Variants in DIAPH2 observed in about 807,000 individuals in gnomAD.
DIAPH2 encodes diaphanous related formin 2.
Under a neutral mutation model 92.7 loss-of-function variants are expected in DIAPH2, and 35 were observed. The observed-to-expected ratio is 0.38, with a 90% CI of 0.29 to 0.50. DIAPH2 has a LOEUF of 0.50. DIAPH2 is among the 20% of genes least tolerant of loss of function. The probability of loss-of-function intolerance (pLI) is 0.94; values close to 1 mark genes in which losing one functional copy is unlikely to be tolerated. For synonymous variants in DIAPH2, 301 were observed against 280.4 expected (o/e 1.07, Z -0.73); for missense variants, 701 against 819.5 (o/e 0.86, Z 1.77).
chrX:96,825,347 G>C (rs1482143614), intron 4 of DIAPH2, among the ~76,000 whole-genome samples: 2 of 96,408 alleles, frequency 2.1e-5, no homozygotes, highest in Non-Finnish European at 4.2e-5. Context: ...ATTACTACAT[G>C]TGTTTTCTTT....
chrX:97,159,872 T>C (rs1231797944), intron 22 of DIAPH2, among the ~76,000 whole-genome samples: 4 of 111,706 alleles, frequency 3.6e-5, no homozygotes, highest in Non-Finnish European at 7.5e-5. Context: ...TGTTGATGAA[T>C]GTCCTTCTGA....
rs183793127 is a variant in DIAPH2 at position 97,600,585 on chromosome X, G to C, written c.*1268G>C. On this transcript the variant is annotated 3_prime_UTR_variant, in exon 27 of 27. Coordinates refer to ENST00000324765, the MANE Select transcript of DIAPH2 (RefSeq NM_006729.5). ...TTCTACATTTTTCTTAAATAAATTA[G>C]GGAGTAAAAGTTATACTTAACTTGT... The C allele has an allele frequency of 8.9e-6, 1 of 112,230 alleles. No homozygotes were observed. The highest frequency in any genetic ancestry group is 2.8e-4 in the East Asian group (1 of 3,592). 9.2% of individuals were successfully genotyped at this position (112,230 alleles called of 1,213,427 possible). A position where few individuals can be genotyped will look rare whatever the true frequency, so the allele number is the denominator to read the frequency against.
intron 25 of DIAPH2, among the ~76,000 whole-genome samples, chrX:97,414,324 A>G: frequency 8.9e-6 from 1 of 111,773 alleles, no homozygotes; most frequent in Middle Eastern, 4.7e-3. Flanking sequence ...TATTTAATAA[A>G]TGGTGCTGGG....
intron 22 of DIAPH2, among the ~76,000 whole-genome samples, chrX:97,235,687 T>A (rs1334501115): frequency 9.2e-6 from 1 of 109,251 alleles, no homozygotes; most frequent in Non-Finnish European, 1.9e-5. Context: ...ACACTTAAGG[T>A]GAAACCCAAA....
At chrX:96,747,441 A>G (rs1349373912) in intron 3 of DIAPH2, among the ~76,000 whole-genome samples, 2 of 112,387 alleles carry the variant, frequency 1.8e-5, no homozygotes, top group Non-Finnish European at 3.8e-5. Flanking sequence ...TGTTTAATAT[A>G]TGATTATACA....
chrX:96,960,713 C>A (rs1380079541), intron 16 of DIAPH2, among the ~76,000 whole-genome samples: 1 of 111,590 alleles, frequency 9.0e-6, no homozygotes, highest in Admixed American at 9.5e-5. Context: ...TTTGTCCATT[C>A]AGTATGATGT....
chrX:97,432,181 T>C (rs2070133762), intron 26 of DIAPH2, among the ~76,000 whole-genome samples: 1 of 112,403 alleles, frequency 8.9e-6, no homozygotes, highest in South Asian at 3.7e-4. Context: ...GGAGATGTAC[T>C]TACTGCTCTG....
In DIAPH2 at chrX:97,347,279, C is replaced by T. The variant is rs749552802; in HGVS notation, c.2845-837C>T. ...AATTTTTTTGTACTTTTAGTGGAGA[C>T]GGGGTTTCACTGTGTTGGCCAGGCT... On this transcript the variant is annotated intron_variant, in intron 23 of 26. Transcript: ENST00000324765. Among the ~76,000 whole-genome samples the T allele has an allele frequency of 2.2e-4, 24 of 107,427 alleles. 1 individual carries two copies. The highest frequency in any genetic ancestry group is 2.3e-4 in the Non-Finnish European group (12 of 52,071). The allele number at this position is 107,427 out of a possible 115,157, so 93.3% of individuals were successfully genotyped here.
chrX:97,384,168 A>G (rs1206373551), intron 25 of DIAPH2, 124 bp downstream of exon 25: 3 of 590,424 alleles, frequency 5.1e-6, no homozygotes, highest in Non-Finnish European at 7.7e-6. Context: ...ACTTGTGCTA[A>G]ATTTCTCTCA....
At chrX:96,933,510 A>C (rs761181322) in intron 10 of DIAPH2, among the ~76,000 whole-genome samples, 1 of 104,803 alleles carries the variant, frequency 9.5e-6, no homozygotes, top group East Asian at 2.9e-4. Flanking sequence ...GTGTATATAT[A>C]TGTATATATA....
chrX:97,123,844 A>G (rs918461900), intron 21 of DIAPH2, among the ~76,000 whole-genome samples: 19 of 112,787 alleles, frequency 1.7e-4, no homozygotes, highest in Non-Finnish European at 2.1e-4. Flanking sequence ...TTCAATTAGC[A>G]AGTCAGTGCT....
rs1329513736 is a variant in DIAPH2 at position 96,869,631 on chromosome X, A to C, written c.448-11948A>C. Among the ~76,000 whole-genome samples the C allele has an allele frequency of 8.2e-5, 9 of 110,217 alleles. No homozygotes were observed. The Admixed American group carries it at 8.8e-4, about 11-fold the overall frequency. ...CTACCTAAGGTAAGAATCCTTTTCC[A>C]GCATCTCAGACCTAGTGGCAGGTCT... On this transcript the variant is annotated intron_variant, in intron 4 of 26. Transcript: ENST00000324765.
intron 17 of DIAPH2, among the ~76,000 whole-genome samples, chrX:97,015,275 G>A (rs774606391): frequency 3.6e-5 from 4 of 111,443 alleles, no homozygotes; most frequent in African/African-American, 1.3e-4. Context: ...CTGTTATATG[G>A]GAACCAATTA....
chrX:97,464,498 A>G (rs1202034246), intron 26 of DIAPH2, among the ~76,000 whole-genome samples: 2 of 110,250 alleles, frequency 1.8e-5, no homozygotes, highest in African/African-American at 6.6e-5. Context: ...GCTTACTTCA[A>G]GTGCCTATCT....
intron 19 of DIAPH2, among the ~76,000 whole-genome samples, chrX:97,092,313 C>T (rs1376990290): frequency 8.9e-6 from 1 of 112,802 alleles, no homozygotes; most frequent in Admixed American, 9.3e-5. Flanking sequence ...GGTAACTAAT[C>T]AGCTATATTG....
intron 3 of DIAPH2, among the ~76,000 whole-genome samples, chrX:96,751,657 T>TTTTTTTTTTTTG (rs2064191534): frequency 1.4e-5 from 1 of 73,405 alleles, no homozygotes; most frequent in Non-Finnish European, 2.8e-5. Flanking sequence ...GTTTTGTTTT[T>TTTTTTTTTTTTG]TTTTTTTTTT....
intron 4 of DIAPH2, among the ~76,000 whole-genome samples, chrX:96,769,329 A>G (rs992826295): frequency 8.9e-6 from 1 of 112,122 alleles, no homozygotes; most frequent in Admixed American, 9.5e-5. Flanking sequence ...AGAAATTACT[A>G]GAATCACAAT....
chrX:97,434,074 G>A (rs1368188041), intron 26 of DIAPH2, among the ~76,000 whole-genome samples: 1 of 111,526 alleles, frequency 9.0e-6, no homozygotes, highest in African/African-American at 3.3e-5. Context: ...TTCAACAATG[G>A]CAAACAGTAC....
intron 4 of DIAPH2, among the ~76,000 whole-genome samples, chrX:96,854,639 A>ATG (rs1812004148): frequency 2.4e-5 from 2 of 82,139 alleles, no homozygotes; most frequent in African/African-American, 9.2e-5. Context: ...ATATATATAT[A>ATG]TATCCATCTG....
Sources: gnomAD v4.1 joint callset for allele counts (sites outside exome capture counted in the v4.1 genomes callset) on GRCh38, gnomAD v4.1.1 for gene constraint, MANE v1.5 for transcripts, NCBI Gene and HGNC (gene_info 2026-07-23, HGNC 2026-07-21) for gene names.